Variants in PTPRZ1 observed in about 807,000 individuals in gnomAD.
The protein encoded by PTPRZ1 is receptor-type tyrosine-protein phosphatase zeta.
PTPRZ1 carries 82 observed loss-of-function variants against 214.1 expected under a neutral mutation model. That is an observed-to-expected ratio of 0.38 (90% CI 0.32 to 0.46). PTPRZ1 has a LOEUF of 0.46. Among genes scored for constraint, PTPRZ1 ranks in the 20% least tolerant of loss-of-function variants. The probability of loss-of-function intolerance (pLI) is 1.00; values close to 1 mark genes in which losing one functional copy is unlikely to be tolerated. For missense variants in PTPRZ1, 2,603 were observed against 2,748.7 expected (o/e 0.95, Z 1.19); for synonymous variants, 945 against 987.9 (o/e 0.96, Z 0.81).
chr7:121,932,081 A>G (rs1795942607), intron 2 of PTPRZ1, among the ~76,000 whole-genome samples: 1 of 152,204 alleles, frequency 6.6e-6, no homozygotes, highest in Non-Finnish European at 1.5e-5. Flanking sequence ...TGAGGATCCT[A>G]GGAAGAAACT....
chr7:122,060,454 A>C (rs959444132), intron 29 of PTPRZ1, among the ~76,000 whole-genome samples: 1 of 152,108 alleles, frequency 6.6e-6, no homozygotes, highest in Admixed American at 6.6e-5. Flanking sequence ...CTCTGTAGCT[A>C]CCTCTCCCCA....
At chr7:121,898,711 C>T (rs1563007259) in intron 1 of PTPRZ1, among the ~76,000 whole-genome samples, 1 of 152,102 alleles carries the variant, frequency 6.6e-6, no homozygotes, top group Non-Finnish European at 1.5e-5. Flanking sequence ...TACATCAGAA[C>T]AAGGTGGTAT....
At chr7:121,967,855 G>A in intron 2 of PTPRZ1, 96 bp from the exon 3 acceptor site, 1 of 816,622 alleles carries the variant, frequency 1.2e-6, no homozygotes, top group Non-Finnish European at 1.9e-6. Flanking sequence ...TTCTACTATT[G>A]CATCTATTTT....
intron 12 of PTPRZ1, among the ~76,000 whole-genome samples, chr7:122,016,633 T>C (rs1483686758): frequency 2.0e-5 from 3 of 151,876 alleles, no homozygotes; most frequent in African/African-American, 7.2e-5. Flanking sequence ...GTGTATACAG[T>C]GTCTGTATAT....
Position 121,988,529 on chromosome 7 carries a change from G to A in PTPRZ1, c.928+4412G>A, listed in dbSNP as rs560827845. On this transcript the variant is annotated intron_variant, in intron 8 of 29. Coordinates refer to ENST00000393386, the MANE Select transcript of PTPRZ1 (RefSeq NM_002851.3). ...TCTGAACCATCATAATCCCTGACCT[G>A]CAGCTGTGGCACTTTGCCTTTCTTG... Among the ~76,000 whole-genome samples the A allele has an allele frequency of 7.2e-5, 11 of 152,232 alleles. No homozygotes were observed. In the South Asian group the frequency reaches 2.1e-3, roughly 29 times the overall value.
intron 27 of PTPRZ1, 48 bp downstream of exon 27, chr7:122,055,135 A>G (rs752649808): frequency 7.1e-7 from 1 of 1,401,450 alleles, no homozygotes; most frequent in Non-Finnish European, 9.6e-7. Context: ...AACACATGTT[A>G]AACATATTCT....
chr7:121,904,129 T>C (rs1035516499), intron 1 of PTPRZ1, among the ~76,000 whole-genome samples: 1 of 152,204 alleles, frequency 6.6e-6, no homozygotes, highest in Admixed American at 6.5e-5. Flanking sequence ...AAACCTTCCC[T>C]GATAGATCTC....
At chr7:121,932,198 C>A (rs1416944438) in intron 2 of PTPRZ1, among the ~76,000 whole-genome samples, 11 of 152,108 alleles carry the variant, frequency 7.2e-5, no homozygotes, top group Admixed American at 5.9e-4. Context: ...AAATGAAATT[C>A]TTTATCCAAA....
intron 12 of PTPRZ1, among the ~76,000 whole-genome samples, chr7:122,018,434 G>A (rs537129804): frequency 1.3e-5 from 2 of 151,566 alleles, no homozygotes; most frequent in Admixed American, 6.6e-5. Context: ...GACCAAATTC[G>A]GATTTTTAAT....
At chr7:122,021,444 G>A (rs1344648528) in intron 13 of PTPRZ1, among the ~76,000 whole-genome samples, 1 of 152,006 alleles carries the variant, frequency 6.6e-6, no homozygotes, top group Admixed American at 6.6e-5. Flanking sequence ...ATATATATGA[G>A]TATTTTGGCC....
intron 18 of PTPRZ1, 84 bp from the exon 19 acceptor site, chr7:122,038,671 C>T: frequency 7.6e-7 from 1 of 1,313,462 alleles, no homozygotes; most frequent in Non-Finnish European, 1.0e-6. Context: ...AAAAATTATG[C>T]TGACCTTAAA....
Position 122,055,204 on chromosome 7 carries a change from C to A in PTPRZ1, c.6528+117C>A, listed in dbSNP as rs187188687. 2.4e-3 allele frequency: 1,824 copies of A among 759,778 alleles called. 7 individuals are homozygous for A. The highest frequency in any genetic ancestry group is 2.6e-3 in the Non-Finnish European group (1,388 of 526,174). The allele number at this position is 759,778 out of a possible 1,614,324, so 47.1% of individuals were successfully genotyped here. A position where few individuals can be genotyped will look rare whatever the true frequency, so the allele number is the denominator to read the frequency against. ...GATTCTGATTTTTTCCCCATTGAGA[C>A]AAATACACAAATAATCAAATTACCT... On this transcript the variant is annotated intron_variant, in intron 27 of 29. Transcript: ENST00000393386.
At chr7:121,990,200 A>C (rs1164183157) in intron 8 of PTPRZ1, among the ~76,000 whole-genome samples, 1 of 152,198 alleles carries the variant, frequency 6.6e-6, no homozygotes, top group Non-Finnish European at 1.5e-5. Flanking sequence ...CTTGCTCTCA[A>C]TAAATGCATT....
chr7:121,900,976 T>C (rs1000669164), intron 1 of PTPRZ1, among the ~76,000 whole-genome samples: 1 of 152,156 alleles, frequency 6.6e-6, no homozygotes, highest in Non-Finnish European at 1.5e-5. Flanking sequence ...AAATAAGGCA[T>C]AGGGAGGTCA....
At chr7:121,904,394 G>C (rs2116278289) in intron 1 of PTPRZ1, among the ~76,000 whole-genome samples, 1 of 152,280 alleles carries the variant, frequency 6.6e-6, no homozygotes, top group South Asian at 2.1e-4. Flanking sequence ...TCAGGGAGCT[G>C]TGCAGTGGGG....
intron 1 of PTPRZ1, among the ~76,000 whole-genome samples, chr7:121,880,655 A>G (rs114313874): frequency 6.6e-6 from 1 of 152,206 alleles, no homozygotes; most frequent in African/African-American, 2.4e-5. Flanking sequence ...ATGGTAATAA[A>G]CAGAGTCTTG....
chr7:121,880,820 G>A (rs1398931250), intron 1 of PTPRZ1, among the ~76,000 whole-genome samples: 2 of 152,086 alleles, frequency 1.3e-5, no homozygotes, highest in African/African-American at 4.8e-5. Context: ...ATATGTCAAG[G>A]TGGTATTGTC....
chr7:121,882,456 A>G (rs748052828), intron 1 of PTPRZ1, among the ~76,000 whole-genome samples: 5 of 152,172 alleles, frequency 3.3e-5, no homozygotes, highest in Non-Finnish European at 5.9e-5. Context: ...CAGAGGGATT[A>G]AGGTTGGCAT....
chr7:122,039,377 C>G lies in PTPRZ1; in HGVS notation c.5503-77C>G, dbSNP rs140191102. The G allele has an allele frequency of 3.3e-6, 5 of 1,495,016 alleles. No homozygotes were observed. The East Asian group carries it at 1.1e-4, about 34-fold the overall frequency. The allele number at this position is 1,495,016 out of a possible 1,614,324, so 92.6% of individuals were successfully genotyped here. A position where few individuals can be genotyped will look rare whatever the true frequency, so the allele number is the denominator to read the frequency against. Reference sequence around the variant, plus strand: ...AGTCCATTCCTGTCACCATCTCAGACCTTTACTGATTTCAGGGAATGACTT... The same window carrying G: ...AGTCCATTCCTGTCACCATCTCAGAGCTTTACTGATTTCAGGGAATGACTT... On this transcript the variant is annotated intron_variant, in intron 19 of 29. Transcript: ENST00000393386.
Sources: gnomAD v4.1 joint callset for allele counts (sites outside exome capture counted in the v4.1 genomes callset) on GRCh38, gnomAD v4.1.1 for gene constraint, MANE v1.5 for transcripts, NCBI Gene and HGNC (gene_info 2026-07-23, HGNC 2026-07-21) for gene names.